Variants in LMX1B observed in about 807,000 individuals in gnomAD.
LMX1B encodes LIM homeobox transcription factor 1 beta, also known as LIM homeobox transcription factor 1-beta.
In LMX1B, 12 loss-of-function variants were observed where a neutral mutation model predicts 51.4. The observed-to-expected ratio is 0.23, with a 90% confidence interval of 0.15 to 0.38. LMX1B has a LOEUF of 0.38. Ranked by LOEUF, LMX1B falls within the 10% of genes least tolerant of loss-of-function variation. LMX1B has a pLI of 1.00. For missense variants in LMX1B, 445 were observed against 571.1 expected, an observed-to-expected ratio of 0.78 and a Z score of 2.25; for synonymous variants, 237 against 235.4, an observed-to-expected ratio of 1.01 and a Z score of -0.06.
At chr9:126,648,441 A>C (rs1341721895) in intron 2 of LMX1B, among the ~76,000 whole-genome samples, 1 of 151,904 alleles carries the variant, frequency 6.6e-6, no homozygotes, top group East Asian at 1.9e-4. Flanking sequence ...ATCTTGATGG[A>C]GTGTTGGGGG....
At chr9:126,689,466 A>G (rs962732955) in intron 2 of LMX1B, among the ~76,000 whole-genome samples, 4 of 152,240 alleles carry the variant, frequency 2.6e-5, no homozygotes, top group African/African-American at 7.2e-5. Context: ...GCCCGCAGAC[A>G]TGGCCCGGGG....
chr9:126,678,735 C>CA (rs1401648287), intron 2 of LMX1B, among the ~76,000 whole-genome samples: 1 of 152,096 alleles, frequency 6.6e-6, no homozygotes, highest in African/African-American at 2.4e-5. Flanking sequence ...CCAATACAGG[C>CA]AAAAACCTGA....
intron 2 of LMX1B, among the ~76,000 whole-genome samples, chr9:126,620,660 G>A (rs1835393935): frequency 6.6e-6 from 1 of 152,060 alleles, no homozygotes; most frequent in African/African-American, 2.4e-5. Flanking sequence ...GTGGCCGGGT[G>A]TCCTGTGCTC....
chr9:126,614,534 A>C lies in LMX1B; in HGVS notation c.85A>C (p.Lys29Gln). Residue 29 changes from lysine (K) to glutamine (Q), a missense_variant, in exon 1 of 8, where the codon AAG becomes CAG. Physicochemically the swap from Lys to Gln is moderately conservative, Grantham distance 53. Around this residue, in one of 3 missense-constraint regions of LMX1B, gnomAD observed 273 missense variants for 343.3 expected, o/e 0.80. Coordinates refer to ENST00000373474, the MANE Select transcript of LMX1B (RefSeq NM_001174147.2). ...CTGCGCCAAGATGTTGGACGGCATCAAGATGGAGGAGCACGCCCTGCGCCC... is the reference window on the plus strand; with the variant it reads ...CTGCGCCAAGATGTTGGACGGCATCCAGATGGAGGAGCACGCCCTGCGCCC... Reference protein sequence around the residue: ...TDCAKMLDGIKMEEHALRPGP... With the variant: ...TDCAKMLDGIQMEEHALRPGP... The C allele has an allele frequency of 6.2e-7, 1 of 1,605,866 alleles. No homozygotes were observed. Among genetic ancestry groups the C allele is most frequent in the Non-Finnish European group, 8.5e-7 (1 of 1,177,050 alleles).
Position 126,626,585 on chromosome 9 carries a change from G to A in LMX1B, c.326+11016G>A, listed in dbSNP as rs1187261768. Among the ~76,000 whole-genome samples, 1 of 152,156 alleles carries A rather than the reference G, an allele frequency of 6.6e-6. No individual in the cohort carries two copies. The highest frequency in any genetic ancestry group is 2.4e-5 in the African/African-American group (1 of 41,444). ...TGCAATCCCGGCTCAGTCGGCAACC[G>A]GCCCTTCCTTCCAGGTCAGGGGTGG... is the stretch of plus-strand genomic sequence containing the variant. On this transcript the variant is annotated intron_variant, in intron 2 of 7. Transcript: ENST00000373474. The surrounding 1 kb of genome is among the most constrained non-coding windows in gnomAD (Gnocchi z 4.3).
intron 2 of LMX1B, among the ~76,000 whole-genome samples, chr9:126,656,966 C>T (rs1836129633): frequency 6.6e-6 from 1 of 152,062 alleles, no homozygotes; most frequent in South Asian, 2.1e-4. Flanking sequence ...TTCTATGTGC[C>T]AGACCCTCAA....
At chr9:126,665,121 T>C (rs556744017) in intron 2 of LMX1B, among the ~76,000 whole-genome samples, 34 of 152,224 alleles carry the variant, frequency 2.2e-4, no homozygotes, top group Non-Finnish European at 4.1e-4. Flanking sequence ...TTAGTTTTAT[T>C]ATTATTATCC....
rs575867214 is a variant in LMX1B at position 126,659,261 on chromosome 9, G to T, written c.327-31575G>T. Among the ~76,000 whole-genome samples, 3 of 152,336 alleles carry T rather than the reference G, an allele frequency of 2.0e-5. No homozygotes were observed. The South Asian group carries it at 6.2e-4, about 32-fold the overall frequency. On this transcript the variant is annotated intron_variant, in intron 2 of 7. Coordinates refer to ENST00000373474, the MANE Select transcript of LMX1B (RefSeq NM_001174147.2). ...CCTGGCCACCAGTGCTGGGCAGGTG[G>T]TGAGGAGGGTCCCAGGCCTGGGCAG...
At position 126,673,886 on chromosome 9, in the gene LMX1B, C is replaced by T. The variant is rs531820966; in HGVS notation, c.327-16950C>T. Among the ~76,000 whole-genome samples, 7 of 152,294 alleles carry T rather than the reference C, an allele frequency of 4.6e-5. No homozygotes were observed. Among genetic ancestry groups the T allele is most frequent in the East Asian group, 3.9e-4 (2 of 5,186 alleles). ...CTGTGGCAGCAGCAGAGTAAACAGCCGCTGCCCTGTCCTCTCTGCGGCCGT... is the reference window on the plus strand; with the variant it reads ...CTGTGGCAGCAGCAGAGTAAACAGCTGCTGCCCTGTCCTCTCTGCGGCCGT... On this transcript the variant is annotated intron_variant, in intron 2 of 7. Transcript: ENST00000373474. This position sits in a 1 kb window ranked among gnomAD's most constrained non-coding sequence, Gnocchi z 4.4.
chr9:126,627,201 C>T (rs893932426), intron 2 of LMX1B, among the ~76,000 whole-genome samples: 1 of 152,120 alleles, frequency 6.6e-6, no homozygotes, highest in Non-Finnish European at 1.5e-5. Context: ...GTCTCCTCCC[C>T]GTGGCCGGGT....
chr9:126,644,311 G>T (rs764064786), intron 2 of LMX1B, among the ~76,000 whole-genome samples: 12 of 152,182 alleles, frequency 7.9e-5, no homozygotes, highest in Non-Finnish European at 1.5e-4. Context: ...CTGTTTGTTG[G>T]GTGAGCTATT....
At chr9:126,621,846 A>ACTG (rs1026886408) in intron 2 of LMX1B, among the ~76,000 whole-genome samples, 14 of 151,940 alleles carry the variant, frequency 9.2e-5, no homozygotes, top group African/African-American at 3.1e-4. Flanking sequence ...TGCTTTAACT[A>ACTG]CTGCTGCGGT....
At chr9:126,661,758 C>T (rs1836251083) in intron 2 of LMX1B, among the ~76,000 whole-genome samples, 1 of 152,100 alleles carries the variant, frequency 6.6e-6, no homozygotes, top group Non-Finnish European at 1.5e-5. Context: ...GGGGCTTGGC[C>T]TGCCCCTCTC....
chr9:126,682,861 C>G (rs542292284), intron 2 of LMX1B, among the ~76,000 whole-genome samples: 13 of 141,812 alleles, frequency 9.2e-5, no homozygotes, highest in African/African-American at 3.3e-4. Context: ...CGCCACTGCA[C>G]TCCAGCCTGG....
rs1052433415 is a variant in LMX1B, at chr9:126,651,303, G to T, written c.326+35734G>T. Among the ~76,000 whole-genome samples, 5 of 152,032 alleles carry T rather than the reference G, an allele frequency of 3.3e-5. No individual in the cohort carries two copies. The East Asian group carries it at 7.8e-4, about 24-fold the overall frequency. On this transcript the variant is annotated intron_variant, in intron 2 of 7. Transcript: ENST00000373474. ...GGCACCTGGAAGGAGGGACTGGGGG[G>T]GGTGGCTCCAAGCTGCCCCGGGAAG...
At chr9:126,639,738 G>T (rs1255808139) in intron 2 of LMX1B, among the ~76,000 whole-genome samples, 1 of 152,210 alleles carries the variant, frequency 6.6e-6, no homozygotes, top group Non-Finnish European at 1.5e-5. Flanking sequence ...CAAGGGGAGA[G>T]GCCCAGGATA....
chr9:126,674,966 CA>C (rs1262183096), intron 2 of LMX1B, among the ~76,000 whole-genome samples: 1 of 152,204 alleles, frequency 6.6e-6, no homozygotes, highest in Non-Finnish European at 1.5e-5. Context: ...AAATGGCCCA[CA>C]AGACCGTCAA....
intron 2 of LMX1B, among the ~76,000 whole-genome samples, chr9:126,668,291 C>T (rs7847075): frequency 0.19 from 29,037 of 151,822 alleles, 3,863 homozygotes; most frequent in African/African-American, 0.38. Context: ...GGCCACTCAG[C>T]GCTTACTGTC....
intron 2 of LMX1B, among the ~76,000 whole-genome samples, chr9:126,687,292 G>C (rs931297604): frequency 1.3e-5 from 2 of 151,652 alleles, no homozygotes; most frequent in African/African-American, 2.4e-5. Flanking sequence ...GCAGTGGTGC[G>C]GTCTTGGCTC....
Sources: gnomAD v4.1 joint callset for allele counts (sites outside exome capture counted in the v4.1 genomes callset) on GRCh38, gnomAD v4.1.1 for gene constraint, gnomAD v4.1.1 regional missense constraint, Gnocchi (gnomAD v3.1) non-coding constraint, MANE v1.5 for transcripts, NCBI Gene and HGNC (gene_info 2026-07-23, HGNC 2026-07-21) for gene names.